ZC3H11A: variants seen among roughly 807,000 people sequenced by gnomAD.
The protein encoded by ZC3H11A is zinc finger CCCH-type containing 11A, also known as zinc finger CCCH domain-containing protein 11A.
Under a neutral mutation model 90.8 loss-of-function variants are expected in ZC3H11A, and 22 were observed. That is an observed-to-expected ratio of 0.24 (90% confidence interval 0.17 to 0.35). The LOEUF (loss-of-function observed/expected upper bound fraction) is 0.35. Ranked by LOEUF, ZC3H11A falls within the 10% of genes least tolerant of loss-of-function variation. The probability of loss-of-function intolerance (pLI) is 1.00; values close to 1 mark genes in which losing one functional copy is unlikely to be tolerated. For synonymous variants in ZC3H11A, 294 were observed against 339.8 expected (o/e 0.87, Z 1.48); for missense variants, 701 against 964.9 (o/e 0.73, Z 3.62).
intron 8 of ZC3H11A, among the ~76,000 whole-genome samples, chr1:203,830,798 ACT>A (rs1228094825): frequency 6.6e-6 from 1 of 151,206 alleles, no homozygotes; most frequent in Non-Finnish European, 1.5e-5. Flanking sequence ...ACAGATCAAG[ACT>A]CTGTCTCAAA....
chr1:203,849,697 A>G lies in ZC3H11A; in HGVS notation c.1624-14A>G. On this transcript the variant is annotated splice_polypyrimidine_tract_variant and intron_variant, in intron 14 of 17. Transcript: ENST00000367210. ...GTACCAGATTTTAATTCTGTCATTC[A>G]AATTTATCCACAGGCTTCAGGTGAG... 1 of 1,612,786 alleles carries G rather than the reference A, an allele frequency of 6.2e-7. No individual in the cohort carries two copies. Among genetic ancestry groups the G allele is most frequent in the Non-Finnish European group, 8.5e-7 (1 of 1,179,258 alleles).
In ZC3H11A at chr1:203,796,817, T is replaced by C. The variant is rs190704640; in HGVS notation, c.-1588+1023T>C. ...TTGAAAATGCAGCATTTAACCTTGT[T>C]TTAAAATTTTTTTCTCAAAGCATTT... On this transcript the variant is annotated intron_variant, in intron 1 of 17. Coordinates refer to ENST00000367210, the MANE Select transcript of ZC3H11A (RefSeq NM_001376342.1). The C allele has an allele frequency of 3.9e-5, 7 of 181,124 alleles. No homozygotes were observed. The East Asian group carries it at 9.8e-4, about 25-fold the overall frequency. The allele number at this position is 181,124 out of a possible 1,614,324, so 11.2% of individuals were successfully genotyped here. A position where few individuals can be genotyped will look rare whatever the true frequency, so the allele number is the denominator to read the frequency against.
chr1:203,819,529 A>ATTTTTTTTTTTTTTTTTTTT (rs755259647), intron 4 of ZC3H11A, among the ~76,000 whole-genome samples: 2 of 72,878 alleles, frequency 2.7e-5, no homozygotes, highest in Admixed American at 1.5e-4. Flanking sequence ...GCTGACTCCA[A>ATTTTTTTTTTTTTTTTTTTT]TTTTTTTTTT....
At chr1:203,851,694 G>A (rs933285340) in intron 17 of ZC3H11A, among the ~76,000 whole-genome samples, 28 of 149,940 alleles carry the variant, frequency 1.9e-4, no homozygotes, top group Admixed American at 1.6e-3. Flanking sequence ...CAGGCAAGGC[G>A]GCTTATGCCT....
intron 1 of ZC3H11A, chr1:203,801,354 T>C (rs1204079377): frequency 2.0e-5 from 3 of 152,200 alleles, no homozygotes; most frequent in Non-Finnish European, 2.9e-5. Context: ...TTTTGGCCAC[T>C]GAATTCTTAA....
chr1:203,841,973 G>A (rs1482117023), intron 12 of ZC3H11A, among the ~76,000 whole-genome samples: 3 of 150,982 alleles, frequency 2.0e-5, no homozygotes, highest in Non-Finnish European at 4.4e-5. Flanking sequence ...GGCCGCGGCT[G>A]GGCAGAGGGG....
At position 203,853,005 on chromosome 1, in the gene ZC3H11A, G is replaced by C. The variant is rs894506761; in HGVS notation, c.*606G>C. 6.5e-6 allele frequency: 1 copy of C among 152,984 alleles called. No individual in the cohort carries two copies. The highest frequency in any genetic ancestry group is 2.4e-5 in the African/African-American group (1 of 41,436). 9.5% of individuals were successfully genotyped at this position (152,984 alleles called of 1,614,324 possible). ...CTGATCTTGATGCTTCTGCTGCTCT[G>C]TTAGCCTCTGAAGAGCAATATCTAA... On this transcript the variant is annotated 3_prime_UTR_variant, in exon 18 of 18. Transcript: ENST00000367210.
chr1:203,796,069 T>A (rs1172676015), intron 1 of ZC3H11A: 1 of 128,192 alleles, frequency 7.8e-6, no homozygotes, highest in East Asian at 2.3e-4. Context: ...GCCTGCTCCT[T>A]TCCCAGCCAA....
rs1215907484 is a variant in ZC3H11A, at chr1:203,802,717, T to TC, written c.-445_-444insC. ...CAAGTTCATCTTTAAATGAACTCTT[T>TC]TTTTTTGTTTTTTTTTTGTTTTGTT... On this transcript the variant is annotated 5_prime_UTR_variant, in exon 2 of 18. The change abolishes the stop of an existing upstream ORF in the 5' untranslated region. Coordinates refer to ENST00000367210, the MANE Select transcript of ZC3H11A (RefSeq NM_001376342.1). 7.3e-6 allele frequency: 1 copy of TC among 137,560 alleles called. No individual in the cohort carries two copies. The highest frequency in any genetic ancestry group is 1.6e-5 in the Non-Finnish European group (1 of 61,870). 8.5% of individuals were successfully genotyped at this position (137,560 alleles called of 1,614,324 possible). A position where few individuals can be genotyped will look rare whatever the true frequency, so the allele number is the denominator to read the frequency against.
At chr1:203,835,495 TC>T (rs1219399042) in intron 10 of ZC3H11A, 1 of 157,156 alleles carries the variant, frequency 6.4e-6, no homozygotes, top group Non-Finnish European at 1.4e-5. Flanking sequence ...CAATAACAGT[TC>T]TAGATTTTAA....
chr1:203,809,172 G>GTT (rs33926996), intron 2 of ZC3H11A, among the ~76,000 whole-genome samples: 10,643 of 83,240 alleles, frequency 0.13, 1,826 homozygotes, highest in Non-Finnish European at 0.14. Context: ...TCTTCTCACT[G>GTT]TTTTTTTTTT....
Position 203,797,657 on chromosome 1 carries a change from A to C in ZC3H11A, c.-1588+1863A>C. 6.5e-7 allele frequency: 1 copy of C among 1,536,110 alleles called. No individual in the cohort carries two copies. The highest frequency in any genetic ancestry group is 8.7e-7 in the Non-Finnish European group (1 of 1,146,918). On this transcript the variant is annotated intron_variant, in intron 1 of 17. Transcript: ENST00000367210. The stretch of plus-strand genomic sequence containing the variant: ...CAGATGAAGAAGATGTGGTAGAGGA[A>C]AAGATGGTAGCAGAAGGAGTGAATA...
intron 7 of ZC3H11A, 99 bp downstream of exon 7, chr1:203,829,995 A>G: frequency 1.5e-6 from 2 of 1,338,268 alleles, no homozygotes; most frequent in Non-Finnish European, 2.1e-6. Context: ...TTCCCATGCT[A>G]CACGCATACT....
intron 10 of ZC3H11A, chr1:203,835,855 T>C: frequency 4.1e-6 from 1 of 242,226 alleles, no homozygotes; most frequent in South Asian, 6.2e-5. Flanking sequence ...TCCCTTTTTT[T>C]CCGGAGACCC....
chr1:203,816,481 T>C (rs11240558), intron 2 of ZC3H11A, among the ~76,000 whole-genome samples: 1 of 151,776 alleles, frequency 6.6e-6, no homozygotes, highest in Non-Finnish European at 1.5e-5. Flanking sequence ...TTTAAAAAAT[T>C]AGCTGGGTAT....
chr1:203,827,987 C>A (rs10494846), intron 4 of ZC3H11A, among the ~76,000 whole-genome samples: 1 of 152,038 alleles, frequency 6.6e-6, no homozygotes, highest in East Asian at 1.9e-4. Flanking sequence ...AGATTCAGAC[C>A]GTTATCTTTG....
intron 9 of ZC3H11A, 40 bp downstream of exon 9, chr1:203,831,811 T>A (rs1438591082): frequency 1.3e-6 from 2 of 1,504,586 alleles, no homozygotes; most frequent in Admixed American, 2.0e-5. Flanking sequence ...AAGCCTCTAC[T>A]TTTATATAAT....
Position 203,852,219 on chromosome 1 carries a change from C to T in ZC3H11A, c.2253C>T (p.Ser751=), listed in dbSNP as rs1689484953. ...EVSGPSSSQM[S]MKTRRLSSAS... The stretch of plus-strand genomic sequence containing the variant: ...CTGGCCCTTCCTCATCCCAAATGAG[C>T]ATGAAAACTCGCCGACTCAGCTCTG... Residue 751 remains serine (S), a synonymous_variant, in exon 18 of 18, where the codon AGC becomes AGT. Transcript: ENST00000367210. 1.2e-6 allele frequency: 2 copies of T among 1,613,470 alleles called. No individual in the cohort carries two copies. Among genetic ancestry groups the T allele is most frequent in the African/African-American group, 2.7e-5 (2 of 74,790 alleles).
chr1:203,842,020 G>A (rs1233467576), intron 12 of ZC3H11A, among the ~76,000 whole-genome samples: 10 of 150,848 alleles, frequency 6.6e-5, no homozygotes, highest in South Asian at 2.1e-4. Context: ...GGGCAGAGGC[G>A]CTCCCCACAT....
Sources: gnomAD v4.1 joint callset for allele counts (sites outside exome capture counted in the v4.1 genomes callset) on GRCh38, gnomAD v4.1.1 for gene constraint, MANE v1.5 for transcripts, NCBI Gene and HGNC (gene_info 2026-07-23, HGNC 2026-07-21) for gene names.